Variants in GSTA2 observed in about 807,000 individuals in gnomAD.
GSTA2 encodes glutathione S-transferase alpha 2.
In GSTA2, 27 loss-of-function variants were observed where a neutral mutation model predicts 22.4. The observed-to-expected ratio is 1.21, with a 90% confidence interval of 0.89 to 1.67. GSTA2 has a LOEUF of 1.67. Ranked by LOEUF, GSTA2 falls within the 40% of genes most tolerant of loss-of-function variation. The pLI, the probability that GSTA2 is intolerant of heterozygous loss-of-function variation, is 0.00. For missense variants in GSTA2, 302 were observed against 260.2 expected, an observed-to-expected ratio of 1.16 and a Z score of -1.11; for synonymous variants, 121 against 86.8, an observed-to-expected ratio of 1.39 and a Z score of -2.19.
rs1459265781 is a variant in GSTA2, at chr6:52,757,854, AACCT to A, written c.87+3_87+6del. On this transcript the variant is annotated splice_donor_5th_base_variant and intron_variant, in intron 2 of 6. Coordinates refer to ENST00000493422, the MANE Select transcript of GSTA2 (RefSeq NM_000846.5). Reference sequence around the variant, plus strand: ...TCTGACTTAAGATGACCTAACTCAGAACCTACCTCTACTCCAGCTGCAGCCAGGA... The same window carrying A: ...TCTGACTTAAGATGACCTAACTCAGAACCTCTACTCCAGCTGCAGCCAGGA... 1.9e-6 allele frequency: 3 copies of A among 1,611,454 alleles called. No homozygotes were observed. Among genetic ancestry groups the A allele is most frequent in the Non-Finnish European group, 2.5e-6 (3 of 1,177,630 alleles).
chr6:52,751,743 G>A, intron 5 of GSTA2, 35 bp from the exon 6 acceptor site: 1 of 1,613,890 alleles, frequency 6.2e-7, no homozygotes, highest in South Asian at 1.1e-5. Flanking sequence ...AGGAACACAT[G>A]CCCACCCAGG....
Position 52,750,367 on chromosome 6 carries a change from T to C in GSTA2, c.*210A>G, listed in dbSNP as rs900911736. 7.4e-6 allele frequency: 3 copies of C among 403,110 alleles called. No individual in the cohort carries two copies. The highest frequency in any genetic ancestry group is 4.1e-5 in the African/African-American group (2 of 48,398). The allele number at this position is 403,110 out of a possible 1,614,324, so 25.0% of individuals were successfully genotyped here. ...AAGAAAATTGTTGGCTAGGAGGAGA[T>C]TGGAAAACTGAATTCACATCAGATC... On this transcript the variant is annotated 3_prime_UTR_variant, in exon 7 of 7. Transcript: ENST00000493422.
intron 1 of GSTA2, among the ~76,000 whole-genome samples, chr6:52,762,157 A>G (rs1419574785): frequency 5.9e-5 from 9 of 152,206 alleles, no homozygotes; most frequent in Admixed American, 5.9e-4. Context: ...TAGGAAAGCC[A>G]GGTATTGTCC....
rs763259256 is a variant in GSTA2 at position 52,751,720 on chromosome 6, G to T, written c.415-12C>A. ...TGGCTCTTTAAGACCTGGAGAATGG[G>T]AGGAATCAGATCAGGAACACATGCC... On this transcript the variant is annotated splice_polypyrimidine_tract_variant and intron_variant, in intron 5 of 6. Transcript: ENST00000493422. 3 of 1,613,990 alleles carry T rather than the reference G, an allele frequency of 1.9e-6. No individual in the cohort carries two copies. The African/African-American group carries it at 4.0e-5, about 22-fold the overall frequency.
intron 2 of GSTA2, 112 bp from the exon 3 acceptor site, chr6:52,756,421 T>C (rs1762847059): frequency 2.2e-6 from 2 of 895,566 alleles, no homozygotes; most frequent in Admixed American, 2.0e-5. Context: ...TTTCTGAGTT[T>C]GGCAGGGTAC....
chr6:52,756,342 A>G, intron 2 of GSTA2, 33 bp from the exon 3 acceptor site: 1 of 1,515,310 alleles, frequency 6.6e-7, no homozygotes. Context: ...TGTTCTTGTT[A>G]GTTCATTCTA....
intron 5 of GSTA2, 55 bp downstream of exon 5, chr6:52,752,799 T>C (rs1016074436): frequency 6.2e-7 from 1 of 1,607,794 alleles, no homozygotes; most frequent in African/African-American, 1.3e-5. Context: ...CCAGCCACTA[T>C]TTTTCTACTG....
intron 2 of GSTA2, among the ~76,000 whole-genome samples, chr6:52,756,672 A>T (rs1279850002): frequency 6.6e-6 from 1 of 152,248 alleles, no homozygotes; most frequent in Admixed American, 6.5e-5. Flanking sequence ...AGATCAGACC[A>T]CAACCTTGTG....
At chr6:52,759,574 T>C (rs866184359) in intron 1 of GSTA2, among the ~76,000 whole-genome samples, 8 of 81,774 alleles carry the variant, frequency 9.8e-5, no homozygotes, top group Non-Finnish European at 1.9e-4. Flanking sequence ...TTTTTTTTTT[T>C]TTTTTTTTTT....
chr6:52,758,381 G>A (rs568263484), intron 1 of GSTA2, among the ~76,000 whole-genome samples: 11 of 152,248 alleles, frequency 7.2e-5, no homozygotes, highest in Admixed American at 7.2e-4. Flanking sequence ...CCCATGAAAT[G>A]ATTATCTCCA....
At chr6:52,753,899 C>A (rs1245921383) in intron 4 of GSTA2, among the ~76,000 whole-genome samples, 1 of 152,170 alleles carries the variant, frequency 6.6e-6, no homozygotes, top group Non-Finnish European at 1.5e-5. Context: ...CTCCTTTAGC[C>A]CCAGGCAATC....
chr6:52,751,314 G>A (rs1465456190), intron 6 of GSTA2, among the ~76,000 whole-genome samples: 4 of 152,132 alleles, frequency 2.6e-5, no homozygotes, highest in African/African-American at 9.7e-5. Context: ...AGAGGGATGG[G>A]GAGACATGCT....
At chr6:52,759,563 G>GTTTTTTTTTTTTTTT (rs70977382) in intron 1 of GSTA2, among the ~76,000 whole-genome samples, 5 of 34,164 alleles carry the variant, frequency 1.5e-4, no homozygotes, top group Non-Finnish European at 2.4e-4. Flanking sequence ...GTATTTATTT[G>GTTTTTTTTTTTTTTT]TTTTTTTTTT....
rs1172052094 is a variant in GSTA2 at position 52,750,114 on chromosome 6, G to A, written c.*463C>T. 3.8e-5 allele frequency: 6 copies of A among 155,976 alleles called. No individual in the cohort carries two copies. The highest frequency in any genetic ancestry group is 1.4e-4 in the African/African-American group (6 of 41,480). The allele number at this position is 155,976 out of a possible 1,614,324, so 9.7% of individuals were successfully genotyped here. ...GTTTTGCAAATGCATTAGAAAGAAT[G>A]CTTTTATCAGAAATAAAATGACTGT... is the stretch of plus-strand genomic sequence containing the variant. On this transcript the variant is annotated 3_prime_UTR_variant, in exon 7 of 7. Transcript: ENST00000493422.
intron 6 of GSTA2, among the ~76,000 whole-genome samples, chr6:52,751,117 T>C (rs556210195): frequency 1.3e-5 from 2 of 151,028 alleles, no homozygotes; most frequent in South Asian, 2.1e-4. Context: ...CTTTTCTCAG[T>C]GAGAGATACA....
At chr6:52,758,015 A>T in intron 1 of GSTA2, 38 bp from the exon 2 acceptor site, 1 of 1,231,430 alleles carries the variant, frequency 8.1e-7, no homozygotes, top group South Asian at 1.2e-5. Context: ...AATAATTGAA[A>T]CGATAGAATC....
chr6:52,761,381 T>A (rs1392485754), intron 1 of GSTA2, among the ~76,000 whole-genome samples: 1 of 152,192 alleles, frequency 6.6e-6, no homozygotes, highest in Non-Finnish European at 1.5e-5. Flanking sequence ...TATCTATCAA[T>A]CGTTCTATGT....
chr6:52,758,057 C>A, intron 1 of GSTA2, 80 bp from the exon 2 acceptor site: 1 of 829,234 alleles, frequency 1.2e-6, no homozygotes, highest in Non-Finnish European at 2.0e-6. Flanking sequence ...TGGTTGAAAA[C>A]CACAAACAAT....
At chr6:52,754,526 G>C (rs1762804088) in intron 4 of GSTA2, among the ~76,000 whole-genome samples, 1 of 152,110 alleles carries the variant, frequency 6.6e-6, no homozygotes, top group Non-Finnish European at 1.5e-5. Context: ...GGAATTACTG[G>C]GACCTTAGAC....
Sources: allele counts gnomAD v4.1 joint callset (sites outside exome capture counted in the v4.1 genomes callset), GRCh38; gene constraint gnomAD v4.1.1; transcripts MANE v1.5; gene names NCBI Gene and HGNC (gene_info 2026-07-23, HGNC 2026-07-21).